ANKS1B: variants seen among roughly 807,000 people sequenced by gnomAD.
ANKS1B encodes ankyrin repeat and sterile alpha motif domain-containing protein 1B.
ANKS1B carries 36 observed loss-of-function variants against 148.3 expected under a neutral mutation model. That is an observed-to-expected ratio of 0.24 (90% CI 0.19 to 0.32). ANKS1B has a LOEUF of 0.32. Among genes scored for constraint, ANKS1B ranks in the 10% least tolerant of loss-of-function variants. The probability of loss-of-function intolerance (pLI) is 1.00; values close to 1 mark genes in which losing one functional copy is unlikely to be tolerated. For missense variants in ANKS1B, 1,157 were observed against 1,542.6 expected (o/e 0.75, Z 4.19); for synonymous variants, 542 against 560.8 (o/e 0.97, Z 0.47).
intron 8 of ANKS1B, among the ~76,000 whole-genome samples, chr12:99,748,227 A>G (rs1035012613): frequency 5.3e-5 from 8 of 152,096 alleles, no homozygotes; most frequent in Non-Finnish European, 1.0e-4. Flanking sequence ...TACCATGAAC[A>G]CCAAGATAAT....
chr12:99,975,646 T>C (rs2095617377), intron 1 of ANKS1B, among the ~76,000 whole-genome samples: 1 of 152,214 alleles, frequency 6.6e-6, no homozygotes, highest in South Asian at 2.1e-4. Flanking sequence ...TCATGTACTT[T>C]ACTCATTTTT....
intron 12 of ANKS1B, among the ~76,000 whole-genome samples, chr12:99,257,203 C>T (rs1397621319): frequency 2.6e-5 from 4 of 151,670 alleles, no homozygotes; most frequent in East Asian, 3.9e-4. Context: ...GAGATGGTGC[C>T]ACTGCACTCC....
intron 4 of ANKS1B, among the ~76,000 whole-genome samples, chr12:99,791,597 CAA>C (rs1475733836): frequency 6.6e-6 from 1 of 151,816 alleles, no homozygotes; most frequent in African/African-American, 2.4e-5. Flanking sequence ...AAATCAATAA[CAA>C]GAGAAATTTT....
chr12:99,230,475 AT>A (rs535224044), intron 14 of ANKS1B, among the ~76,000 whole-genome samples: 46 of 152,242 alleles, frequency 3.0e-4, no homozygotes, highest in African/African-American at 1.1e-3. Context: ...AAACTGTACC[AT>A]TTTTAAACCA....
intron 22 of ANKS1B, among the ~76,000 whole-genome samples, chr12:98,796,938 A>C (rs12426338): frequency 0.089 from 13,580 of 152,222 alleles, 677 homozygotes; most frequent in African/African-American, 0.13. Context: ...CAAATCATAC[A>C]TCTGGTATAT....
chr12:99,168,894 A>G (rs2077466190), intron 14 of ANKS1B, among the ~76,000 whole-genome samples: 1 of 152,208 alleles, frequency 6.6e-6, no homozygotes. Context: ...CTGTCTGAAA[A>G]CTGTCATAAC....
At chr12:99,715,934 G>T (rs979462421) in intron 8 of ANKS1B, among the ~76,000 whole-genome samples, 2 of 152,122 alleles carry the variant, frequency 1.3e-5, no homozygotes, top group African/African-American at 2.4e-5. Context: ...TCACAGACTT[G>T]GGAAGCCAGC....
chr12:99,634,100 T>C lies in ANKS1B; in HGVS notation c.1272+20967A>G, dbSNP rs368196495. 1.9e-3 allele frequency among the ~76,000 whole-genome samples: 282 copies of C among 152,298 alleles called. 8 individuals are homozygous for C. In the South Asian group the frequency reaches 0.049, roughly 26 times the overall value. ...GAAGCAATATACTATGGTTTGAATA[T>C]TTTCCCATTTCAAAACTCATGTTGA... On this transcript the variant is annotated intron_variant, in intron 9 of 26. Coordinates refer to ENST00000683438, the MANE Select transcript of ANKS1B (RefSeq NM_001352186.2).
chr12:99,746,622 G>A (rs2060621115), intron 8 of ANKS1B, among the ~76,000 whole-genome samples: 1 of 152,088 alleles, frequency 6.6e-6, no homozygotes, highest in Non-Finnish European at 1.5e-5. Flanking sequence ...GACAGAGTAA[G>A]TAACATTAAC....
At chr12:98,734,858 T>TA (rs1368609740) in exon 10 of ANKS1B, 4 of 249,786 alleles carry the variant, frequency 1.6e-5, no homozygotes, top group Admixed American at 1.1e-4. Context: ...AGGCAGAGTA[T>TA]AAAGTATTAC....
chr12:98,978,173 G>A (rs2099900919), intron 17 of ANKS1B, among the ~76,000 whole-genome samples: 1 of 151,832 alleles, frequency 6.6e-6, no homozygotes, highest in South Asian at 2.1e-4. Flanking sequence ...TGTTGATATG[G>A]TTGAATTTAT....
chr12:98,852,239 T>C (rs1193204498), intron 17 of ANKS1B, among the ~76,000 whole-genome samples: 2 of 152,116 alleles, frequency 1.3e-5, no homozygotes, highest in African/African-American at 4.8e-5. Flanking sequence ...TAGTGGCTAC[T>C]TGCAGTGGGT....
chr12:99,309,788 C>G (rs953907066), intron 12 of ANKS1B, among the ~76,000 whole-genome samples: 1 of 152,042 alleles, frequency 6.6e-6, no homozygotes, highest in Non-Finnish European at 1.5e-5. Flanking sequence ...TAAAGTGAAG[C>G]TCTACAGAAT....
At chr12:99,731,971 T>C (rs917016149) in intron 8 of ANKS1B, among the ~76,000 whole-genome samples, 2 of 152,150 alleles carry the variant, frequency 1.3e-5, no homozygotes, top group African/African-American at 4.8e-5. Context: ...AATAATAATA[T>C]AGACAATCCA....
chr12:99,939,641 A>C (rs946403910), intron 1 of ANKS1B, among the ~76,000 whole-genome samples: 2 of 152,200 alleles, frequency 1.3e-5, no homozygotes, highest in Non-Finnish European at 2.9e-5. Context: ...TGATCTTATC[A>C]GGATCAAGGT....
chr12:99,684,901 T>C (rs564068842), intron 8 of ANKS1B, among the ~76,000 whole-genome samples: 1 of 152,228 alleles, frequency 6.6e-6, no homozygotes, highest in East Asian at 1.9e-4. Context: ...TGGATCCTCA[T>C]CTCTCACCTT....
intron 12 of ANKS1B, among the ~76,000 whole-genome samples, chr12:99,397,951 A>G (rs2094298060): frequency 6.6e-6 from 1 of 152,110 alleles, no homozygotes; most frequent in Non-Finnish European, 1.5e-5. Flanking sequence ...GCAGAAGGAA[A>G]CAAAGTGCAA....
intron 9 of ANKS1B, among the ~76,000 whole-genome samples, chr12:99,619,652 C>T (rs1425710365): frequency 2.0e-5 from 3 of 151,186 alleles, no homozygotes; most frequent in Non-Finnish European, 1.5e-5. Flanking sequence ...GTGCACAGAT[C>T]CTGGTGCAGG....
At chr12:99,190,596 G>T (rs1185333293) in intron 14 of ANKS1B, among the ~76,000 whole-genome samples, 1 of 152,136 alleles carries the variant, frequency 6.6e-6, no homozygotes, top group African/African-American at 2.4e-5. Context: ...ATGGGGAAAG[G>T]ATTCCCTATT....
Sources: allele counts gnomAD v4.1 joint callset (sites outside exome capture counted in the v4.1 genomes callset), GRCh38; gene constraint gnomAD v4.1.1; transcripts MANE v1.5; gene names NCBI Gene and HGNC (gene_info 2026-07-23, HGNC 2026-07-21).